AGBL4: variants seen among roughly 807,000 people sequenced by gnomAD.
AGBL4 encodes the protein AGBL carboxypeptidase 4.
In AGBL4, 58 loss-of-function variants were observed where a neutral mutation model predicts 66.4. That is an observed-to-expected ratio of 0.87 (90% CI 0.71 to 1.09). AGBL4 has a LOEUF of 1.09. Ranked by LOEUF, AGBL4 falls within the 50% of genes least tolerant of loss-of-function variation. The pLI is 0.00. For missense variants in AGBL4, 579 were observed against 631.0 expected (o/e 0.92, Z 0.88); for synonymous variants, 234 against 222.9 (o/e 1.05, Z -0.44).
chr1:49,878,093 A>C (rs1026542599), intron 1 of AGBL4, among the ~76,000 whole-genome samples: 6 of 148,866 alleles, frequency 4.0e-5, no homozygotes, highest in Non-Finnish European at 8.9e-5. Context: ...AATTTTGTTG[A>C]TCCTTTCAAA....
intron 11 of AGBL4, among the ~76,000 whole-genome samples, chr1:48,552,101 T>A (rs1202382736): frequency 6.6e-6 from 1 of 152,222 alleles, no homozygotes; most frequent in African/African-American, 2.4e-5. Flanking sequence ...TCTTGCTCTG[T>A]CGCTCAGGCT....
chr1:48,792,859 T>C (rs1022315362), intron 6 of AGBL4, among the ~76,000 whole-genome samples: 1 of 152,212 alleles, frequency 6.6e-6, no homozygotes, highest in Admixed American at 6.5e-5. Context: ...CTTCTTCACC[T>C]TGATGTCCCA....
At chr1:49,843,582 C>A (rs943781366) in intron 2 of AGBL4, among the ~76,000 whole-genome samples, 1 of 152,178 alleles carries the variant, frequency 6.6e-6, no homozygotes, top group Admixed American at 6.5e-5. Flanking sequence ...CTCTTTTCCA[C>A]ATTTAAGGAC....
In AGBL4 at chr1:49,762,148, T is replaced by G. The variant is rs187543400; in HGVS notation, c.158-64711A>C. On this transcript the variant is annotated intron_variant, in intron 2 of 13. Coordinates refer to ENST00000371839, the MANE Select transcript of AGBL4 (RefSeq NM_032785.4). ...TTCTATTTTTAATTTTTTGAGAAAT[T>G]TCCATGCAGATTTACATAGTGGCTG... Among the ~76,000 whole-genome samples the G allele has an allele frequency of 1.2e-4, 18 of 152,312 alleles. 1 individual carries two copies. The highest frequency in any genetic ancestry group is 9.8e-4 in the Admixed American group (15 of 15,296).
Position 48,622,816 on chromosome 1 carries a change from A to T in AGBL4, c.951+11677T>A, listed in dbSNP as rs1456101909. Among the ~76,000 whole-genome samples the T allele has an allele frequency of 5.9e-5, 9 of 152,130 alleles. 1 individual carries two copies. The highest frequency in any genetic ancestry group is 2.2e-4 in the African/African-American group (9 of 41,430). On this transcript the variant is annotated intron_variant, in intron 9 of 13. Coordinates refer to ENST00000371839, the MANE Select transcript of AGBL4 (RefSeq NM_032785.4). The stretch of plus-strand genomic sequence containing the variant: ...CACTTCTTATACTAATAATAGTTAA[A>T]TTTTTTTGAGAATTATGTGCCTGGT...
intron 7 of AGBL4, among the ~76,000 whole-genome samples, chr1:48,653,803 G>A (rs1304167541): frequency 6.6e-6 from 1 of 152,116 alleles, no homozygotes; most frequent in African/African-American, 2.4e-5. Flanking sequence ...AGGTGGGCTA[G>A]CACTAAACAG....
chr1:49,219,444 C>T (rs1649329212), intron 4 of AGBL4, among the ~76,000 whole-genome samples: 1 of 152,100 alleles, frequency 6.6e-6, no homozygotes, highest in African/African-American at 2.4e-5. Flanking sequence ...CACAGTTTCA[C>T]CCCATATCAT....
At chr1:49,998,635 GA>G (rs1331592290) in intron 1 of AGBL4, among the ~76,000 whole-genome samples, 1 of 151,842 alleles carries the variant, frequency 6.6e-6, no homozygotes, top group East Asian at 1.9e-4. Flanking sequence ...ACATAACAAA[GA>G]AAACTACAGA....
intron 2 of AGBL4, among the ~76,000 whole-genome samples, chr1:49,769,634 A>G (rs1329666059): frequency 1.3e-5 from 2 of 152,288 alleles, no homozygotes. Context: ...CCAATGGAAC[A>G]GAATAGAGAA....
At chr1:49,353,169 T>G (rs1030130017) in intron 3 of AGBL4, among the ~76,000 whole-genome samples, 11 of 152,344 alleles carry the variant, frequency 7.2e-5, no homozygotes, top group African/African-American at 2.6e-4. Flanking sequence ...GTCCCAGCTC[T>G]GCTCTAGTCC....
intron 2 of AGBL4, among the ~76,000 whole-genome samples, chr1:49,717,379 T>C (rs1648233303): frequency 1.3e-5 from 2 of 152,076 alleles, no homozygotes; most frequent in Admixed American, 1.3e-4. Context: ...TCATTGTGGC[T>C]TAGCATTTTA....
At chr1:48,536,823 C>T (rs576074115) in intron 12 of AGBL4, among the ~76,000 whole-genome samples, 27 of 152,276 alleles carry the variant, frequency 1.8e-4, no homozygotes, top group African/African-American at 4.3e-4. Context: ...TTTGGGCTTG[C>T]GACTATACCA....
chr1:49,158,127 T>C (rs1404381088), intron 4 of AGBL4, among the ~76,000 whole-genome samples: 1 of 152,140 alleles, frequency 6.6e-6, no homozygotes, highest in Non-Finnish European at 1.5e-5. Flanking sequence ...GCTAGCCATA[T>C]GCAGAAAGCT....
intron 3 of AGBL4, among the ~76,000 whole-genome samples, chr1:49,594,999 C>T (rs529690086): frequency 1.1e-4 from 17 of 152,280 alleles, no homozygotes; most frequent in African/African-American, 2.9e-4. Flanking sequence ...AGTTTAAAAG[C>T]GTTCCTATTT....
rs866429914 is a variant in AGBL4 at position 49,132,498 on chromosome 1, C to T, written c.378-86698G>A. Among the ~76,000 whole-genome samples the T allele has an allele frequency of 4.6e-5, 7 of 152,052 alleles. 1 individual carries two copies. The highest frequency in any genetic ancestry group is 2.1e-4 in the South Asian group (1 of 4,828). On this transcript the variant is annotated intron_variant, in intron 4 of 13. Transcript: ENST00000371839. ...GGAGAATTATATTGATTATAAATTA[C>T]AGTCATTTGATTTGAGATTGGAAAA...
chr1:49,687,446 T>C (rs914255507), intron 3 of AGBL4, among the ~76,000 whole-genome samples: 1 of 152,144 alleles, frequency 6.6e-6, no homozygotes, highest in Non-Finnish European at 1.5e-5. Flanking sequence ...CTTAAAGTTA[T>C]CTCTGTAAAA....
chr1:50,001,193 T>TTA (rs955231550), intron 1 of AGBL4, among the ~76,000 whole-genome samples: 5 of 150,846 alleles, frequency 3.3e-5, no homozygotes, highest in Admixed American at 1.3e-4. Context: ...TGTAAAATAT[T>TTA]TATATATATA....
intron 3 of AGBL4, among the ~76,000 whole-genome samples, chr1:49,368,623 A>G (rs148916847): frequency 1.1e-3 from 169 of 152,274 alleles, no homozygotes; most frequent in Admixed American, 2.4e-3. Context: ...CTTCTCTGAC[A>G]GCTCCAGGAG....
At chr1:48,534,792 C>T in intron 13 of AGBL4, 98 bp downstream of exon 13, 3 of 1,266,276 alleles carry the variant, frequency 2.4e-6, no homozygotes, top group Non-Finnish European at 3.3e-6. Context: ...AAGAGCCTTG[C>T]TAACATAACA....
Sources: allele counts gnomAD v4.1 joint callset (sites outside exome capture counted in the v4.1 genomes callset), GRCh38; gene constraint gnomAD v4.1.1; transcripts MANE v1.5; gene names NCBI Gene and HGNC (gene_info 2026-07-23, HGNC 2026-07-21).